The following PLPP1 variants were observed in gnomAD, a reference collection of about 807,000 sequenced individuals.
PLPP1 encodes phospholipid phosphatase 1, also known as lipid phosphate phosphohydrolase 1a.
Under a neutral mutation model 31.2 loss-of-function variants are expected in PLPP1, and 24 were observed. The observed-to-expected ratio is 0.77, with a 90% CI of 0.56 to 1.08. The LOEUF (loss-of-function observed/expected upper bound fraction) is 1.08. Among genes scored for constraint, PLPP1 ranks in the 50% least tolerant of loss-of-function variants. PLPP1 has a pLI of 0.00. For missense variants in PLPP1, 319 were observed against 342.7 expected (o/e 0.93, Z 0.55); for synonymous variants, 146 against 126.3 (o/e 1.16, Z -1.05).
Position 55,425,268 on chromosome 5 carries a change from G to T in PLPP1, c.793C>A (p.His265Asn). 6.2e-7 allele frequency: 1 copy of T among 1,613,040 alleles called. No homozygotes were observed. Among genetic ancestry groups the T allele is most frequent in the Admixed American group, 1.7e-5 (1 of 59,954 alleles). ...SFKERKEEDS[H>N]TTLHETPTTG... is the part of the protein sequence containing the mutation. ...GTTGGTGTTTCATGCAGAGTTGTAT[G>T]AGAGTCCTCCTCTTTTCTTTCTTTA... The change falls in exon 6 of 6, where the codon CAT becomes AAT. Residue 265 changes from histidine (H) to asparagine (N), a missense_variant. Physicochemically the swap from His to Asn is moderately conservative, Grantham distance 68. Transcript: ENST00000307259.
chr5:55,443,192 A>AAAAATATATATATATATATATATATAT, intron 3 of PLPP1, among the ~76,000 whole-genome samples: 1 of 25,418 alleles, frequency 3.9e-5, no homozygotes, highest in Non-Finnish European at 8.6e-5. Flanking sequence ...AAAAAAAAAA[A>AAAAATATATATATATATATATATATAT]ATATATATAT....
chr5:55,490,858 C>T (rs1752873461), intron 1 of PLPP1: 6 of 1,249,516 alleles, frequency 4.8e-6, no homozygotes, highest in Non-Finnish European at 6.6e-6. Flanking sequence ...CATATCAACA[C>T]TGGTGAAGAC....
At chr5:55,502,422 GGTTGCAGT>G (rs1753166934) in intron 1 of PLPP1, among the ~76,000 whole-genome samples, 1 of 151,988 alleles carries the variant, frequency 6.6e-6, no homozygotes, top group Non-Finnish European at 1.5e-5. Flanking sequence ...AGGAGGTGGA[GGTTGCAGT>G]GAGCCGAGAT....
intron 4 of PLPP1, among the ~76,000 whole-genome samples, chr5:55,431,500 A>C (rs1391763017): frequency 6.6e-6 from 1 of 152,126 alleles, no homozygotes; most frequent in Non-Finnish European, 1.5e-5. Flanking sequence ...CAAATGCATG[A>C]AAATTAAACA....
At chr5:55,454,523 T>C (rs1751964235) in intron 3 of PLPP1, among the ~76,000 whole-genome samples, 1 of 152,232 alleles carries the variant, frequency 6.6e-6, no homozygotes, top group Non-Finnish European at 1.5e-5. Flanking sequence ...CAAATTTCTG[T>C]ACTCCTCAGG....
At chr5:55,464,589 C>T (rs1277182355) in intron 3 of PLPP1, among the ~76,000 whole-genome samples, 1 of 152,086 alleles carries the variant, frequency 6.6e-6, no homozygotes, top group African/African-American at 2.4e-5. Context: ...AAATGTCCAT[C>T]AATATTTGCA....
intron 3 of PLPP1, among the ~76,000 whole-genome samples, chr5:55,444,907 G>A (rs745967633): frequency 1.5e-4 from 23 of 151,888 alleles, no homozygotes; most frequent in Admixed American, 2.6e-4. Context: ...GCACCACCAC[G>A]CCCAGCTAAT....
chr5:55,440,086 A>C (rs1001631641), intron 4 of PLPP1, among the ~76,000 whole-genome samples: 4 of 152,232 alleles, frequency 2.6e-5, no homozygotes, highest in African/African-American at 9.6e-5. Flanking sequence ...CTTTTCATGG[A>C]AATTTAGTCA....
chr5:55,534,555 C>G lies in PLPP1; in HGVS notation c.58+17G>C, dbSNP rs1472075068. The G allele has an allele frequency of 1.3e-6, 2 of 1,529,184 alleles. No individual in the cohort carries two copies. The highest frequency in any genetic ancestry group is 8.8e-7 in the Non-Finnish European group (1 of 1,139,960). The allele number at this position is 1,529,184 out of a possible 1,614,324, so 94.7% of individuals were successfully genotyped here. A position where few individuals can be genotyped will look rare whatever the true frequency, so the allele number is the denominator to read the frequency against. ...GACAGCCGCACACGCCCCTCGGACC[C>G]GGCGGCGCGTACGTACCCAGCAACA... On this transcript the variant is annotated intron_variant, in intron 1 of 5. Coordinates refer to ENST00000307259, the MANE Select transcript of PLPP1 (RefSeq NM_003711.4).
Position 55,491,497 on chromosome 5 carries a change from AG to A in PLPP1, c.59-16048del. ...ATTGCTTTACATTAAACTGTGTTTA[AG>A]AAAAAAGGCAAAATTCCATAAATAA... is the stretch of plus-strand genomic sequence containing the variant. On this transcript the variant is annotated intron_variant, in intron 1 of 5. Transcript: ENST00000307259. Among the ~76,000 whole-genome samples, 3 of 152,342 alleles carry A rather than the reference AG, an allele frequency of 2.0e-5. No homozygotes were observed. The South Asian group carries it at 6.2e-4, about 32-fold the overall frequency.
At chr5:55,482,997 C>T (rs1329942895) in intron 1 of PLPP1, among the ~76,000 whole-genome samples, 1 of 152,054 alleles carries the variant, frequency 6.6e-6, no homozygotes, top group Non-Finnish European at 1.5e-5. Flanking sequence ...AATAATCTCC[C>T]TCATCTTCCA....
rs1411380157 is a variant in PLPP1, at chr5:55,505,047, G to C, written c.58+29525C>G. Among the ~76,000 whole-genome samples the C allele has an allele frequency of 2.0e-5, 3 of 152,070 alleles. No individual in the cohort carries two copies. The East Asian group carries it at 5.8e-4, about 29-fold the overall frequency. ...GCTGGTCTCAAACTCCTGGTCGCAA[G>C]TGATGCGTCCGCCTTGGCCTCCCAA... On this transcript the variant is annotated intron_variant, in intron 1 of 5. Transcript: ENST00000307259.
intron 3 of PLPP1, among the ~76,000 whole-genome samples, chr5:55,461,997 G>A (rs190098612): frequency 6.6e-6 from 1 of 151,446 alleles, no homozygotes; most frequent in African/African-American, 2.4e-5. Context: ...ACGTATGCAA[G>A]ACCCAGACCC....
intron 1 of PLPP1, among the ~76,000 whole-genome samples, chr5:55,502,221 G>T (rs1753161058): frequency 6.6e-6 from 1 of 152,068 alleles, no homozygotes. Flanking sequence ...GGGCGTGGTG[G>T]CTCATGCCTG....
intron 1 of PLPP1, 124 bp from the exon 2 acceptor site, chr5:55,475,574 G>T: frequency 1.1e-6 from 1 of 873,128 alleles, no homozygotes; most frequent in Non-Finnish European, 1.7e-6. Flanking sequence ...GAGAGCACAT[G>T]TAAAAAAGGA....
intron 1 of PLPP1, among the ~76,000 whole-genome samples, chr5:55,528,217 GA>G (rs1217879373): frequency 2.7e-5 from 4 of 147,374 alleles, no homozygotes; most frequent in Non-Finnish European, 4.5e-5. Flanking sequence ...AGTTGGAAAA[GA>G]AAAAAAAAAG....
intron 1 of PLPP1, among the ~76,000 whole-genome samples, chr5:55,524,859 G>T (rs1329519710): frequency 1.3e-5 from 2 of 152,144 alleles, no homozygotes; most frequent in Non-Finnish European, 2.9e-5. Flanking sequence ...TTTATAAGTG[G>T]AGTAATCATT....
At chr5:55,486,783 C>T (rs1289740480) in intron 1 of PLPP1, among the ~76,000 whole-genome samples, 2 of 151,902 alleles carry the variant, frequency 1.3e-5, no homozygotes, top group Non-Finnish European at 2.9e-5. Flanking sequence ...CGTGATGGCA[C>T]ACCCCTGTAA....
chr5:55,437,677 T>A (rs533588404), intron 4 of PLPP1, among the ~76,000 whole-genome samples: 3 of 152,336 alleles, frequency 2.0e-5, no homozygotes, highest in Non-Finnish European at 4.4e-5. Flanking sequence ...ATGACAGATC[T>A]GTCCAGAAGA....
Sources: allele counts gnomAD v4.1 joint callset (sites outside exome capture counted in the v4.1 genomes callset), GRCh38; gene constraint gnomAD v4.1.1; transcripts MANE v1.5; gene names NCBI Gene and HGNC (gene_info 2026-07-23, HGNC 2026-07-21).